NONO: variants seen among roughly 807,000 people sequenced by gnomAD.
The protein encoded by NONO is non-POU domain-containing octamer-binding protein.
In NONO, 6 loss-of-function variants were observed where a neutral mutation model predicts 40.2. The observed-to-expected ratio is 0.15, with a 90% CI of 0.08 to 0.29. NONO has a LOEUF of 0.29. Among genes scored for constraint, NONO ranks in the 10% least tolerant of loss-of-function variants. The probability of loss-of-function intolerance (pLI) is 1.00; values close to 1 mark genes in which losing one functional copy is unlikely to be tolerated. For synonymous variants in NONO, 89 were observed against 123.3 expected, an observed-to-expected ratio of 0.72 and a Z score of 1.85; for missense variants, 133 against 397.8, an observed-to-expected ratio of 0.33 and a Z score of 5.66.
At chrX:71,296,798 C>T in intron 6 of NONO, 53 bp from the exon 7 acceptor site, 2 of 1,141,042 alleles carry the variant, frequency 1.8e-6, no homozygotes, top group Non-Finnish European at 2.4e-6. Flanking sequence ...GAATGCAATT[C>T]TTAGCTGGGG....
chrX:71,299,346 C>G (rs1013790774), intron 11 of NONO, among the ~76,000 whole-genome samples: 3 of 112,435 alleles, frequency 2.7e-5, no homozygotes, highest in African/African-American at 9.7e-5. Flanking sequence ...TGCTGGTATC[C>G]ATTAAATGTA....
intron 4 of NONO, chrX:71,293,869 A>C (rs569266390): frequency 5.3e-6 from 1 of 188,901 alleles, no homozygotes; most frequent in South Asian, 1.3e-4. Flanking sequence ...TGACCTCGTT[A>C]TCCACCCGCC....
chrX:71,293,797 A>G (rs934764756), intron 4 of NONO, among the ~76,000 whole-genome samples: 1 of 109,566 alleles, frequency 9.1e-6, no homozygotes, highest in Non-Finnish European at 1.9e-5. Context: ...GCGCCTGGCT[A>G]ATTTTTTGTA....
rs916217829 is a variant in NONO, at chrX:71,300,624, T to G, written c.*548T>G. The G allele has an allele frequency of 2.7e-5, 5 of 184,429 alleles. No individual in the cohort carries two copies. Among genetic ancestry groups the G allele is most frequent in the Non-Finnish European group, 4.1e-5 (4 of 98,607 alleles). The allele number at this position is 184,429 out of a possible 1,213,427, so 15.2% of individuals were successfully genotyped here. A position where few individuals can be genotyped will look rare whatever the true frequency, so the allele number is the denominator to read the frequency against. ...GCCACCGTGCCCAACCTCACTTGCT[T>G]CTTATCCTTACACTCCCCCAGCCCC... is the stretch of plus-strand genomic sequence containing the variant. On this transcript the variant is annotated 3_prime_UTR_variant, in exon 12 of 12. Transcript: ENST00000276079.
Position 71,300,547 on chromosome X carries a change from C to A in NONO, c.*471C>A. 1 of 195,316 alleles carries A rather than the reference C, an allele frequency of 5.1e-6. No homozygotes were observed. Among genetic ancestry groups the A allele is most frequent in the South Asian group, 1.5e-4 (1 of 6,460 alleles). 16.1% of individuals were successfully genotyped at this position (195,316 alleles called of 1,213,427 possible). A position where few individuals can be genotyped will look rare whatever the true frequency, so the allele number is the denominator to read the frequency against. On this transcript the variant is annotated 3_prime_UTR_variant, in exon 12 of 12. Coordinates refer to ENST00000276079, the MANE Select transcript of NONO (RefSeq NM_007363.5). ...GTCCAGGTTGATCTTGAACTCCTGACCTCGTGATCTACCCACCTCGGCCTC... is the reference window on the plus strand; with the variant it reads ...GTCCAGGTTGATCTTGAACTCCTGAACTCGTGATCTACCCACCTCGGCCTC...
intron 11 of NONO, among the ~76,000 whole-genome samples, chrX:71,299,111 G>A (rs2148041124): frequency 8.9e-6 from 1 of 111,761 alleles, no homozygotes; most frequent in East Asian, 2.8e-4. Context: ...TAGTAGAGAT[G>A]GGGTTACACC....
chrX:71,285,528 C>T, intron 2 of NONO, among the ~76,000 whole-genome samples: 1 of 111,273 alleles, frequency 9.0e-6, no homozygotes, highest in African/African-American at 3.3e-5. Context: ...AGCTGAAAGC[C>T]AGAAGACATT....
chrX:71,296,710 G>T, intron 6 of NONO, 50 bp downstream of exon 6: 1 of 1,025,311 alleles, frequency 9.8e-7, no homozygotes, highest in African/African-American at 1.9e-5. Context: ...TCTTAAGAAA[G>T]CTTATAAAGG....
intron 2 of NONO, among the ~76,000 whole-genome samples, chrX:71,290,311 A>G (rs777347083): frequency 4.5e-5 from 5 of 112,101 alleles, no homozygotes; most frequent in Non-Finnish European, 7.5e-5. Context: ...CGCCTCCCAA[A>G]GTGTTGGGAT....
intron 3 of NONO, among the ~76,000 whole-genome samples, chrX:71,291,019 C>T: frequency 8.9e-6 from 1 of 112,753 alleles, no homozygotes; most frequent in East Asian, 2.8e-4. Flanking sequence ...TGTGTTGACA[C>T]ATTCTACTGT....
At chrX:71,299,840 T>C (rs925510757) in intron 11 of NONO, 102 bp from the exon 12 acceptor site, 2 of 1,023,054 alleles carry the variant, frequency 2.0e-6, no homozygotes, top group African/African-American at 3.8e-5. Flanking sequence ...TCAGGAGCCT[T>C]GAATAGTTGA....
In NONO at chrX:71,298,702, C is replaced by T. The variant is rs777306156; in HGVS notation, c.1172-5C>T. 8.3e-7 allele frequency: 1 copy of T among 1,200,421 alleles called. No homozygotes were observed. Among genetic ancestry groups the T allele is most frequent in the Admixed American group, 2.2e-5 (1 of 45,620 alleles). On this transcript the variant is annotated splice_polypyrimidine_tract_variant and splice_region_variant and intron_variant, in intron 10 of 11. Coordinates refer to ENST00000276079, the MANE Select transcript of NONO (RefSeq NM_007363.5). ...CCTTGTGCTGATCACACTACTCTGCCTTAGGTGCTATGGGCATAAACAACA... is the reference window on the plus strand; with the variant it reads ...CCTTGTGCTGATCACACTACTCTGCTTTAGGTGCTATGGGCATAAACAACA...
chrX:71,295,551 A>G (rs928976876), intron 5 of NONO, among the ~76,000 whole-genome samples: 1 of 110,470 alleles, frequency 9.1e-6, no homozygotes, highest in East Asian at 2.9e-4. Flanking sequence ...CCAACACTTC[A>G]GGAGGCTGAG....
In NONO at chrX:71,290,685, A is replaced by G. The variant is rs1227923931; in HGVS notation, c.48A>G (p.Pro16=). The part of the protein sequence containing the change: ...TFNLEKQNHT[P]RKHHQHHHQQ... ...ACTTGGAGAAGCAAAACCATACTCC[A>G]AGAAAGCATCATCAACATCACCACC... The change falls in exon 3 of 12, where the codon CCA becomes CCG. Residue 16 remains proline (P), a synonymous_variant. Transcript: ENST00000276079. 8.3e-7 allele frequency: 1 copy of G among 1,208,417 alleles called. No individual in the cohort carries two copies. The highest frequency in any genetic ancestry group is 1.8e-5 in the African/African-American group (1 of 57,112).
chrX:71,287,696 T>G (rs1295141366), intron 2 of NONO, among the ~76,000 whole-genome samples: 2 of 109,079 alleles, frequency 1.8e-5, no homozygotes, highest in Non-Finnish European at 3.8e-5. Context: ...TTTTCTCTAT[T>G]TTTTTTGAGA....
chrX:71,296,173 C>A (rs1197950102), intron 5 of NONO, among the ~76,000 whole-genome samples: 2 of 97,717 alleles, frequency 2.0e-5, no homozygotes, highest in African/African-American at 7.8e-5. Flanking sequence ...GAGACAGTCT[C>A]ACTCTGTAGC....
At chrX:71,289,409 A>C (rs1238776560) in intron 2 of NONO, among the ~76,000 whole-genome samples, 2 of 109,522 alleles carry the variant, frequency 1.8e-5, no homozygotes, top group African/African-American at 6.7e-5. Context: ...CTCTTGCCTC[A>C]GCCTCCCGAA....
intron 4 of NONO, chrX:71,292,594 T>C (rs765188443): frequency 4.5e-5 from 5 of 112,047 alleles, no homozygotes; most frequent in South Asian, 7.4e-4. Context: ...TCAGTAATTA[T>C]CAAGTTGTGG....
chrX:71,289,341 G>A (rs982926286), intron 2 of NONO, among the ~76,000 whole-genome samples: 1 of 111,084 alleles, frequency 9.0e-6, no homozygotes, highest in East Asian at 2.8e-4. Context: ...GCCCAGGCTA[G>A]AGTGCAGTGG....
Sources: allele counts gnomAD v4.1 joint callset (sites outside exome capture counted in the v4.1 genomes callset), GRCh38; gene constraint gnomAD v4.1.1; transcripts MANE v1.5; gene names NCBI Gene and HGNC (gene_info 2026-07-23, HGNC 2026-07-21).